BACH2: variants seen among roughly 807,000 people sequenced by gnomAD.
BACH2 encodes the protein transcription regulator protein BACH2.
BACH2 carries 5 observed loss-of-function variants against 61.8 expected under a neutral mutation model. That is an observed-to-expected ratio of 0.08 (90% CI 0.04 to 0.17). The LOEUF (loss-of-function observed/expected upper bound fraction) is 0.17, where lower values mean the gene tolerates loss of function less well. Among genes scored for constraint, BACH2 ranks in the 10% least tolerant of loss-of-function variants. The probability of loss-of-function intolerance (pLI) is 1.00; values close to 1 mark genes in which losing one functional copy is unlikely to be tolerated. For missense variants in BACH2, 824 were observed against 1,091.1 expected, an observed-to-expected ratio of 0.76 and a Z score of 3.45; for synonymous variants, 446 against 440.1, an observed-to-expected ratio of 1.01 and a Z score of -0.17.
chr6:90,238,644 C>A (rs1403568764), intron 3 of BACH2, among the ~76,000 whole-genome samples: 1 of 152,176 alleles, frequency 6.6e-6, no homozygotes, highest in Non-Finnish European at 1.5e-5. Context: ...TCTAAGGAAA[C>A]CAGCTTGGTC....
intron 5 of BACH2, among the ~76,000 whole-genome samples, chr6:90,041,082 A>G (rs1779510393): frequency 6.6e-6 from 1 of 152,164 alleles, no homozygotes; most frequent in African/African-American, 2.4e-5. Flanking sequence ...TGTACTGCAC[A>G]GGCTAAGTAC....
chr6:90,164,734 C>T (rs1340162904), intron 4 of BACH2, among the ~76,000 whole-genome samples: 1 of 152,174 alleles, frequency 6.6e-6, no homozygotes, highest in Non-Finnish European at 1.5e-5. Context: ...TGGGCTTCAT[C>T]CCTGGGATGC....
chr6:90,106,945 T>C (rs1049845170), intron 4 of BACH2, among the ~76,000 whole-genome samples: 14 of 152,234 alleles, frequency 9.2e-5, no homozygotes, highest in African/African-American at 3.1e-4. Context: ...TTTCCTCAAG[T>C]CTTCTCGCTG....
At chr6:90,039,041 CA>C (rs779828857) in intron 5 of BACH2, among the ~76,000 whole-genome samples, 1,390 of 101,766 alleles carry the variant, frequency 0.014, 9 homozygotes, top group African/African-American at 0.033. Context: ...ACTCCGTCTC[CA>C]AAAAAAAAAA....
intron 3 of BACH2, among the ~76,000 whole-genome samples, chr6:90,209,263 C>T (rs1769260647): frequency 6.6e-6 from 1 of 151,708 alleles, no homozygotes; most frequent in African/African-American, 2.4e-5. Context: ...ATGTACAACA[C>T]AGATCTTGGA....
intron 8 of BACH2, among the ~76,000 whole-genome samples, chr6:89,935,717 A>G (rs1772983335): frequency 6.6e-6 from 1 of 152,222 alleles, no homozygotes; most frequent in Non-Finnish European, 1.5e-5. Context: ...TGTGGCTTGG[A>G]ATTTATTTGT....
At chr6:90,289,877 G>T (rs1444029929) in intron 1 of BACH2, among the ~76,000 whole-genome samples, 2 of 152,176 alleles carry the variant, frequency 1.3e-5, no homozygotes, top group Non-Finnish European at 2.9e-5. Context: ...AGCTGACTGG[G>T]AGAGAATATC....
rs114041989 is a variant in BACH2, at chr6:90,130,604, C to G, written c.-161-41495G>C. On this transcript the variant is annotated intron_variant, in intron 4 of 8. Transcript: ENST00000257749. ...AGAATAGCAGAACTGGAATTGAAAGCCAGCTGTCTGGAGCTCATGGACTTC... is the reference window on the plus strand; with the variant it reads ...AGAATAGCAGAACTGGAATTGAAAGGCAGCTGTCTGGAGCTCATGGACTTC... Among the ~76,000 whole-genome samples, 348 of 152,304 alleles carry G rather than the reference C, an allele frequency of 2.3e-3. 1 individual carries two copies. Among genetic ancestry groups the G allele is most frequent in the African/African-American group, 8.0e-3 (332 of 41,562 alleles).
At chr6:89,993,673 T>C (rs1227465069) in intron 6 of BACH2, among the ~76,000 whole-genome samples, 1 of 152,144 alleles carries the variant, frequency 6.6e-6, no homozygotes, top group Non-Finnish European at 1.5e-5. Context: ...GGAAACCACC[T>C]CATTACCACA....
At chr6:90,084,047 T>C (rs1166039888) in intron 5 of BACH2, among the ~76,000 whole-genome samples, 1 of 151,500 alleles carries the variant, frequency 6.6e-6, no homozygotes, top group African/African-American at 2.4e-5. Context: ...TATCTTGTTT[T>C]CTTCATCGCT....
chr6:90,055,430 A>G (rs1554235744), intron 5 of BACH2, among the ~76,000 whole-genome samples: 2 of 152,186 alleles, frequency 1.3e-5, no homozygotes, highest in Non-Finnish European at 2.9e-5. Flanking sequence ...AGAAAAAAGA[A>G]TAAAAAGAAA....
rs927750198 is a variant in BACH2 at position 90,157,686 on chromosome 6, C to G, written c.-162+48883G>C. Among the ~76,000 whole-genome samples the G allele has an allele frequency of 3.9e-5, 6 of 152,102 alleles. No individual in the cohort carries two copies. In the East Asian group the frequency reaches 7.7e-4, roughly 20 times the overall value. On this transcript the variant is annotated intron_variant, in intron 4 of 8. Transcript: ENST00000257749. ...ACTGGATCAGGAACTGGGGCTGGGACCAGCTGCCCGAGCAGATGGCCGCTT... is the reference window on the plus strand; with the variant it reads ...ACTGGATCAGGAACTGGGGCTGGGAGCAGCTGCCCGAGCAGATGGCCGCTT...
At chr6:89,997,724 A>T (rs1241445089) in intron 6 of BACH2, among the ~76,000 whole-genome samples, 1 of 152,208 alleles carries the variant, frequency 6.6e-6, no homozygotes, top group Non-Finnish European at 1.5e-5. Context: ...ACAGATAAGC[A>T]GGGAGGCATC....
chr6:90,242,022 C>T (rs1038195899), intron 3 of BACH2, among the ~76,000 whole-genome samples: 2 of 151,722 alleles, frequency 1.3e-5, no homozygotes, highest in African/African-American at 4.8e-5. Flanking sequence ...TTCCCCGTTT[C>T]CCCTGTTATT....
intron 4 of BACH2, among the ~76,000 whole-genome samples, chr6:90,092,291 A>AT (rs1554244308): frequency 2.5e-4 from 29 of 113,824 alleles, no homozygotes; most frequent in East Asian, 4.8e-4. Context: ...AAAAAAAAAA[A>AT]ATATATATAT....
At chr6:90,175,452 G>A (rs1562487891) in intron 4 of BACH2, among the ~76,000 whole-genome samples, 1 of 151,998 alleles carries the variant, frequency 6.6e-6, no homozygotes. Flanking sequence ...TAACTGGTAA[G>A]GAAAGAATAT....
intron 6 of BACH2, among the ~76,000 whole-genome samples, chr6:89,970,884 A>G (rs1775321291): frequency 6.6e-6 from 1 of 152,232 alleles, no homozygotes; most frequent in African/African-American, 2.4e-5. Context: ...AAGTCACAGA[A>G]AGAGAGCAAG....
chr6:90,260,822 G>A (rs947781998), intron 2 of BACH2, among the ~76,000 whole-genome samples: 1 of 152,192 alleles, frequency 6.6e-6, no homozygotes, highest in Non-Finnish European at 1.5e-5. Context: ...GACATGGAGA[G>A]GAAAGGAAGA....
rs1769668094 is a variant in BACH2, at chr6:90,219,623, T to A, written c.-274-12942A>T. ...AAACACGCCAGAGGGCCATTTACCA[T>A]CCGCGGAATCTGTACAAGTCGGGCT... On this transcript the variant is annotated intron_variant, in intron 3 of 8. Coordinates refer to ENST00000257749, the MANE Select transcript of BACH2 (RefSeq NM_021813.4). 3.9e-5 allele frequency among the ~76,000 whole-genome samples: 6 copies of A among 152,298 alleles called. No individual in the cohort carries two copies. In the South Asian group the frequency reaches 1.2e-3, roughly 32 times the overall value.
Sources: gnomAD v4.1 joint callset for allele counts (sites outside exome capture counted in the v4.1 genomes callset) on GRCh38, gnomAD v4.1.1 for gene constraint, MANE v1.5 for transcripts, NCBI Gene and HGNC (gene_info 2026-07-23, HGNC 2026-07-21) for gene names.